RNF217: variants seen among roughly 807,000 people sequenced by gnomAD.
RNF217 encodes E3 ubiquitin-protein ligase RNF217.
Under a neutral mutation model 57.8 loss-of-function variants are expected in RNF217, and 31 were observed. The ratio of observed to expected loss-of-function variants is 0.54; its 90% confidence interval spans 0.40 to 0.72. The LOEUF is 0.72. Among genes scored for constraint, RNF217 ranks in the 30% least tolerant of loss-of-function variants. The pLI is 0.00. For synonymous variants in RNF217, 313 were observed against 294.0 expected, an observed-to-expected ratio of 1.06 and a Z score of -0.66; for missense variants, 696 against 708.3, an observed-to-expected ratio of 0.98 and a Z score of 0.20.
intron 5 of RNF217, 77 bp from the exon 6 acceptor site, chr6:125,082,787 A>G: frequency 8.3e-7 from 1 of 1,210,180 alleles, no homozygotes; most frequent in South Asian, 1.3e-5. Flanking sequence ...CTGCAAATAA[A>G]TAAACATAGA....
intron 5 of RNF217, chr6:125,082,439 T>C (rs368769831): frequency 7.8e-5 from 124 of 1,599,676 alleles, no homozygotes; most frequent in Non-Finnish European, 1.0e-4. Context: ...TTATTATCTG[T>C]ATTATACAGT....
intron 1 of RNF217, among the ~76,000 whole-genome samples, chr6:125,000,702 A>G (rs535394039): frequency 6.6e-6 from 1 of 152,232 alleles, no homozygotes; most frequent in Admixed American, 6.5e-5. Flanking sequence ...GAAATACATG[A>G]GTATCTACAT....
At chr6:125,080,457 A>T (rs1788531890) in intron 4 of RNF217, among the ~76,000 whole-genome samples, 1 of 152,160 alleles carries the variant, frequency 6.6e-6, no homozygotes. Flanking sequence ...GTAATTGATT[A>T]TTCTAAATTA....
At chr6:125,076,149 A>G (rs1490881073) in intron 3 of RNF217, among the ~76,000 whole-genome samples, 1 of 152,176 alleles carries the variant, frequency 6.6e-6, no homozygotes, top group African/African-American at 2.4e-5. Context: ...CTAAAAAGGT[A>G]TTGCAAATAC....
intron 1 of RNF217, among the ~76,000 whole-genome samples, chr6:124,983,918 G>A (rs943428395): frequency 2.0e-4 from 30 of 152,118 alleles, no homozygotes; most frequent in Non-Finnish European, 2.4e-4. Flanking sequence ...TCACTGTCTG[G>A]TGAGGGCCTG....
chr6:125,066,276 C>A (rs1266864937), intron 3 of RNF217, among the ~76,000 whole-genome samples: 1 of 152,168 alleles, frequency 6.6e-6, no homozygotes, highest in African/African-American at 2.4e-5. Context: ...CAGATTACAT[C>A]ACTCTGCTCA....
At chr6:125,037,955 C>A (rs575035) in intron 1 of RNF217, among the ~76,000 whole-genome samples, 6,885 of 152,092 alleles carry the variant, frequency 0.045, 223 homozygotes, top group African/African-American at 0.093. Context: ...AGCAATGAGG[C>A]CTGAGATTTG....
chr6:124,975,390 C>A (rs887469704), intron 1 of RNF217, among the ~76,000 whole-genome samples: 1 of 152,166 alleles, frequency 6.6e-6, no homozygotes, highest in Non-Finnish European at 1.5e-5. Flanking sequence ...TCTGATATGG[C>A]CAGATTGTAG....
At chr6:125,029,111 A>T (rs1231448082) in intron 1 of RNF217, among the ~76,000 whole-genome samples, 2 of 152,188 alleles carry the variant, frequency 1.3e-5, no homozygotes, top group Non-Finnish European at 2.9e-5. Context: ...TGAATATTCC[A>T]ATCCCTTTTC....
chr6:125,077,264 C>T (rs561143016), intron 4 of RNF217, among the ~76,000 whole-genome samples: 77 of 152,122 alleles, frequency 5.1e-4, no homozygotes, highest in Non-Finnish European at 1.0e-3. Context: ...TGGAGCGTAG[C>T]CTAGGAAGGC....
chr6:125,076,821 A>G lies in RNF217; in HGVS notation c.1446A>G (p.Arg482=). The G allele has an allele frequency of 1.9e-6, 3 of 1,613,560 alleles. No homozygotes were observed. The highest frequency in any genetic ancestry group is 2.5e-6 in the Non-Finnish European group (3 of 1,179,686). ...FGCKYRYLPE[R]PHLRRLVRGS... ...GCAAATATCGCTACCTCCCAGAGAG[A>G]CCTCATTTAAGGAGATTAGTGCGAG... The change falls in exon 4 of 6, where the codon AGA becomes AGG. Residue 482 remains arginine (R), a synonymous_variant. Transcript: ENST00000521654.
At chr6:124,964,540 T>C (rs191452453) in intron 1 of RNF217, among the ~76,000 whole-genome samples, 1 of 152,200 alleles carries the variant, frequency 6.6e-6, no homozygotes, top group Non-Finnish European at 1.5e-5. Context: ...CCGTACCATG[T>C]GATTCCTCTA....
intron 3 of RNF217, among the ~76,000 whole-genome samples, chr6:125,062,574 T>G (rs1007513535): frequency 1.3e-5 from 2 of 152,124 alleles, no homozygotes; most frequent in Non-Finnish European, 2.9e-5. Context: ...TTTGTTTGTT[T>G]GTTTGTTTTT....
chr6:124,970,144 T>C (rs1582650863), intron 1 of RNF217, among the ~76,000 whole-genome samples: 1 of 152,132 alleles, frequency 6.6e-6, no homozygotes, highest in East Asian at 1.9e-4. Flanking sequence ...TTCATTTCCC[T>C]AAAGTAAAAT....
intron 1 of RNF217, among the ~76,000 whole-genome samples, chr6:125,035,742 G>A (rs1786585927): frequency 6.6e-6 from 1 of 151,994 alleles, no homozygotes; most frequent in South Asian, 2.1e-4. Context: ...TCATGAAGAT[G>A]TTCTTTTTGA....
intron 1 of RNF217, among the ~76,000 whole-genome samples, chr6:125,007,845 C>T (rs1192055687): frequency 6.6e-6 from 1 of 152,058 alleles, no homozygotes; most frequent in East Asian, 1.9e-4. Flanking sequence ...GTACTGAACA[C>T]TATATATACT....
chr6:125,024,753 G>A (rs1446460918), intron 1 of RNF217, among the ~76,000 whole-genome samples: 1 of 151,196 alleles, frequency 6.6e-6, no homozygotes, highest in African/African-American at 2.4e-5. Context: ...AAAGTGGGCA[G>A]TCAGGGGGAC....
chr6:124,990,229 C>T (rs992563684), intron 1 of RNF217, among the ~76,000 whole-genome samples: 1 of 152,126 alleles, frequency 6.6e-6, no homozygotes, highest in Non-Finnish European at 1.5e-5. Flanking sequence ...TACTTCTTAA[C>T]TTTTGTTTTA....
chr6:125,082,401 TGTGA>T (rs750517659), intron 5 of RNF217: 17 of 1,504,652 alleles, frequency 1.1e-5, no homozygotes, highest in Non-Finnish European at 1.3e-5. Flanking sequence ...GTTCTTGCAA[TGTGA>T]GTTAGGACAT....
Sources: gnomAD v4.1 joint callset for allele counts (sites outside exome capture counted in the v4.1 genomes callset) on GRCh38, gnomAD v4.1.1 for gene constraint, MANE v1.5 for transcripts, NCBI Gene and HGNC (gene_info 2026-07-23, HGNC 2026-07-21) for gene names.